The following FIGLA variants were observed in gnomAD, a reference collection of about 807,000 sequenced individuals.
FIGLA encodes the protein factor in the germline alpha.
Under a neutral mutation model 21.5 loss-of-function variants are expected in FIGLA, and 17 were observed. That is an observed-to-expected ratio of 0.79 (90% CI 0.54 to 1.19). The LOEUF is 1.19. Ranked by LOEUF, FIGLA falls within the 50% of genes most tolerant of loss-of-function variation. FIGLA has a pLI of 0.00. For missense variants in FIGLA, 282 were observed against 285.0 expected (o/e 0.99, Z 0.08); for synonymous variants, 129 against 117.6 (o/e 1.10, Z -0.63).
intron 2 of FIGLA, among the ~76,000 whole-genome samples, chr2:70,786,047 C>T (rs1675949890): frequency 6.6e-6 from 1 of 152,166 alleles, no homozygotes; most frequent in African/African-American, 2.4e-5. Flanking sequence ...CTAGCAGTCA[C>T]CTGGCTAGGA....
chr2:70,777,711 T>C, intron 3 of FIGLA, 40 bp from the exon 4 acceptor site: 3 of 1,076,842 alleles, frequency 2.8e-6, no homozygotes, highest in Non-Finnish European at 4.2e-6. Flanking sequence ...GCTAAACACA[T>C]CGGTTATTTG....
intron 2 of FIGLA, 93 bp downstream of exon 2, chr2:70,787,549 TAAGTGGA>T (rs1558599300): frequency 8.1e-7 from 1 of 1,234,110 alleles, no homozygotes; most frequent in East Asian, 2.5e-5. Context: ...TTATAAACCT[TAAGTGGA>T]AAGTATACAT....
chr2:70,790,334 C>G, intron 1 of FIGLA, 74 bp downstream of exon 1: 2 of 1,410,640 alleles, frequency 1.4e-6, no homozygotes, highest in Non-Finnish European at 1.9e-6. Flanking sequence ...TGAGCGGACC[C>G]CCGGGTGTTG....
At chr2:70,789,748 A>C (rs1011039527) in intron 1 of FIGLA, among the ~76,000 whole-genome samples, 2 of 152,152 alleles carry the variant, frequency 1.3e-5, no homozygotes, top group Non-Finnish European at 2.9e-5. Context: ...TTTGGGGCTG[A>C]GTTTCGTTAG....
At chr2:70,786,164 G>A (rs1675951828) in intron 2 of FIGLA, among the ~76,000 whole-genome samples, 1 of 146,308 alleles carries the variant, frequency 6.8e-6, no homozygotes, top group Non-Finnish European at 1.5e-5. Context: ...CTCTCCTTCT[G>A]TTCCTAAACA....
Position 70,777,778 on chromosome 2 carries a change from C to A in FIGLA, c.610-107G>T, listed in dbSNP as rs79451804. 2.5e-3 allele frequency: 1,376 copies of A among 555,758 alleles called. 12 individuals are homozygous for A. The highest frequency in any genetic ancestry group is 0.023 in the African/African-American group (1,200 of 52,472). The allele number at this position is 555,758 out of a possible 1,614,324, so 34.4% of individuals were successfully genotyped here. Reference sequence around the variant, plus strand: ...TAGTGGCCAACAGTAAAAAAATTGTCCCACCTAATGGGTCACATAAACATG... The same window carrying A: ...TAGTGGCCAACAGTAAAAAAATTGTACCACCTAATGGGTCACATAAACATG... On this transcript the variant is annotated intron_variant, in intron 3 of 4. Coordinates refer to ENST00000332372, the MANE Select transcript of FIGLA (RefSeq NM_001004311.3).
chr2:70,780,774 T>C (rs1204893567), intron 3 of FIGLA, among the ~76,000 whole-genome samples: 1 of 151,992 alleles, frequency 6.6e-6, no homozygotes, highest in Non-Finnish European at 1.5e-5. Context: ...GGGTCACAGT[T>C]AGGTAGTGAG....
At chr2:70,787,824 A>C in intron 1 of FIGLA, 23 bp from the exon 2 acceptor site, 1 of 1,608,594 alleles carries the variant, frequency 6.2e-7, no homozygotes, top group Non-Finnish European at 8.5e-7. Context: ...AAGGCACAGT[A>C]ACACACAGAG....
At position 70,790,401 on chromosome 2, in the gene FIGLA, C is replaced by T; in HGVS notation, c.231+7G>A. On this transcript the variant is annotated splice_region_variant and intron_variant, in intron 1 of 4. Coordinates refer to ENST00000332372, the MANE Select transcript of FIGLA (RefSeq NM_001004311.3). ...GGGAACGGACGTCGACCCTAGGGATCCCTCACCCGCTCACGCTCCTTGGCG... is the reference window on the plus strand; with the variant it reads ...GGGAACGGACGTCGACCCTAGGGATTCCTCACCCGCTCACGCTCCTTGGCG... 6.5e-7 allele frequency: 1 copy of T among 1,528,816 alleles called. No individual in the cohort carries two copies. 94.7% of individuals were successfully genotyped at this position (1,528,816 alleles called of 1,614,324 possible). A position where few individuals can be genotyped will look rare whatever the true frequency, so the allele number is the denominator to read the frequency against.
intron 1 of FIGLA, among the ~76,000 whole-genome samples, chr2:70,790,034 C>T (rs1230584288): frequency 6.6e-6 from 1 of 152,198 alleles, no homozygotes; most frequent in African/African-American, 2.4e-5. Context: ...GTCCCAAGCA[C>T]CCACCAGCGC....
intron 3 of FIGLA, among the ~76,000 whole-genome samples, chr2:70,781,963 T>C (rs1466786781): frequency 6.6e-6 from 1 of 152,236 alleles, no homozygotes; most frequent in African/African-American, 2.4e-5. Context: ...TTTGATATTA[T>C]ACTATAGTTA....
At chr2:70,783,328 G>A (rs1261011161) in intron 3 of FIGLA, among the ~76,000 whole-genome samples, 3 of 152,114 alleles carry the variant, frequency 2.0e-5, no homozygotes, top group African/African-American at 7.2e-5. Context: ...CTTTTTTGAA[G>A]GAAATTCCAG....
At chr2:70,787,490 T>G (rs1675977465) in intron 2 of FIGLA, among the ~76,000 whole-genome samples, 159 bp downstream of exon 2, 1 of 152,232 alleles carries the variant, frequency 6.6e-6, no homozygotes, top group African/African-American at 2.4e-5. Context: ...CTTAACTATA[T>G]TTTGGTTTCC....
rs370875864 is a variant in FIGLA at position 70,785,518 on chromosome 2, T to G, written c.506A>C (p.Glu169Ala). The G allele has an allele frequency of 5.5e-5, 89 of 1,613,894 alleles. No individual in the cohort carries two copies. The highest frequency in any genetic ancestry group is 6.9e-5 in the Non-Finnish European group (82 of 1,179,898). ...HISCAFGLKN[E>A]EEGPWADGGS... is the part of the protein sequence containing the mutation. ...ACCATCTGCCCAAGGCCCTTCCTCT[T>G]CATTCTTCAAGCCGAAAGCACAGCT... The change falls in exon 3 of 5, where the codon GAA becomes GCA. Residue 169 changes from glutamate (E) to alanine (A), a missense_variant. Glu to Ala is a moderately radical substitution (Grantham distance 107, BLOSUM62 -1). Coordinates refer to ENST00000332372, the MANE Select transcript of FIGLA (RefSeq NM_001004311.3).
chr2:70,780,779 A>G (rs1295181808), intron 3 of FIGLA, among the ~76,000 whole-genome samples: 2 of 152,168 alleles, frequency 1.3e-5, no homozygotes, highest in Non-Finnish European at 2.9e-5. Context: ...ACAGTTAGGT[A>G]GTGAGAAGCC....
intron 3 of FIGLA, among the ~76,000 whole-genome samples, chr2:70,781,815 C>T (rs72903881): frequency 0.022 from 3,379 of 152,198 alleles, 102 homozygotes; most frequent in African/African-American, 0.077. Flanking sequence ...TAGGTGTGAC[C>T]ATAAAGGGGC....
chr2:70,782,789 C>T (rs1448979720), intron 3 of FIGLA, among the ~76,000 whole-genome samples: 2 of 152,068 alleles, frequency 1.3e-5, no homozygotes, highest in African/African-American at 4.8e-5. Flanking sequence ...AAATTAATGG[C>T]TGGGCATGGT....
intron 1 of FIGLA, among the ~76,000 whole-genome samples, chr2:70,788,332 T>A (rs923868391): frequency 4.8e-4 from 51 of 105,288 alleles, no homozygotes; most frequent in Admixed American, 3.8e-3. Flanking sequence ...ATGAATCAAA[T>A]GTACAAATAC....
At chr2:70,780,060 C>G (rs1040169103) in intron 3 of FIGLA, among the ~76,000 whole-genome samples, 1 of 152,174 alleles carries the variant, frequency 6.6e-6, no homozygotes, top group Admixed American at 6.5e-5. Flanking sequence ...TCATGGCTCA[C>G]GGCCCTCTCT....
Sources: gnomAD v4.1 joint callset for allele counts (sites outside exome capture counted in the v4.1 genomes callset) on GRCh38, gnomAD v4.1.1 for gene constraint, MANE v1.5 for transcripts, NCBI Gene and HGNC (gene_info 2026-07-23, HGNC 2026-07-21) for gene names.